The following NCKAP5 variants were observed in gnomAD, a reference collection of about 807,000 sequenced individuals.
NCKAP5 encodes NCK associated protein 5, also known as nck-associated protein 5.
Under a neutral mutation model 167.0 loss-of-function variants are expected in NCKAP5, and 92 were observed. The ratio of observed to expected loss-of-function variants is 0.55; its 90% CI spans 0.47 to 0.66. The LOEUF is 0.66. NCKAP5 is among the 30% of genes least tolerant of loss of function. NCKAP5 has a pLI of 0.00. For synonymous variants in NCKAP5, 891 were observed against 877.4 expected (o/e 1.02, Z -0.27); for missense variants, 2,378 against 2,315.0 (o/e 1.03, Z -0.56).
chr2:132,848,064 A>G (rs1472960682), intron 11 of NCKAP5, among the ~76,000 whole-genome samples: 1 of 152,184 alleles, frequency 6.6e-6, no homozygotes, highest in East Asian at 1.9e-4. Flanking sequence ...TTAATTTAAT[A>G]TATGTTATGT....
chr2:133,274,431 A>G (rs1035106776), intron 4 of NCKAP5, among the ~76,000 whole-genome samples: 6 of 152,056 alleles, frequency 3.9e-5, no homozygotes, highest in Non-Finnish European at 7.4e-5. Context: ...GGAAGACTCA[A>G]TCTTCTGGCT....
intron 6 of NCKAP5, among the ~76,000 whole-genome samples, chr2:133,106,781 A>G (rs1574048771): frequency 6.6e-6 from 1 of 152,124 alleles, no homozygotes; most frequent in Admixed American, 6.5e-5. Flanking sequence ...AATTTTATTG[A>G]CTCATAAAAT....
intron 19 of NCKAP5, among the ~76,000 whole-genome samples, chr2:132,687,755 A>ACC (rs1553471119): frequency 6.9e-4 from 98 of 142,286 alleles, no homozygotes; most frequent in African/African-American, 2.0e-3. Flanking sequence ...ACACACACAC[A>ACC]CCCTTCCTCT....
rs375892723 is a variant in NCKAP5, at chr2:132,677,610, C to G, written c.5714-4305G>C. Among the ~76,000 whole-genome samples the G allele has an allele frequency of 1.1e-4, 16 of 152,070 alleles. No homozygotes were observed. In the South Asian group the frequency reaches 3.3e-3, roughly 32 times the overall value. ...GAGGGAGGGAATTCCAATAAATATT[C>G]ATCTATTATGCCTCTATTGCAACTG... is the stretch of plus-strand genomic sequence containing the variant. On this transcript the variant is annotated intron_variant, in intron 19 of 19. Transcript: ENST00000409261.
chr2:132,822,669 G>T (rs1686835974), intron 11 of NCKAP5, among the ~76,000 whole-genome samples: 1 of 152,102 alleles, frequency 6.6e-6, no homozygotes, highest in African/African-American at 2.4e-5. Flanking sequence ...AAGCCCAAAA[G>T]ATCACACCAG....
intron 18 of NCKAP5, among the ~76,000 whole-genome samples, chr2:132,727,189 G>C (rs1200266112): frequency 6.6e-6 from 1 of 152,176 alleles, no homozygotes; most frequent in Non-Finnish European, 1.5e-5. Flanking sequence ...GAGGAGTGCA[G>C]GTCCCCTCTG....
At chr2:133,087,991 C>G (rs2081049478) in intron 6 of NCKAP5, among the ~76,000 whole-genome samples, 1 of 152,168 alleles carries the variant, frequency 6.6e-6, no homozygotes, top group South Asian at 2.1e-4. Context: ...AATGACTACT[C>G]ATAAGTTGGG....
At chr2:133,034,934 A>T (rs2078993822) in intron 6 of NCKAP5, among the ~76,000 whole-genome samples, 1 of 152,062 alleles carries the variant, frequency 6.6e-6, no homozygotes, top group African/African-American at 2.4e-5. Flanking sequence ...ACACAATGTA[A>T]ATGTACTATA....
chr2:133,353,589 C>G (rs1684509075), intron 3 of NCKAP5, among the ~76,000 whole-genome samples: 1 of 152,092 alleles, frequency 6.6e-6, no homozygotes, highest in South Asian at 2.1e-4. Flanking sequence ...GTTTTTGTAC[C>G]CAAAAAGTTG....
intron 3 of NCKAP5, among the ~76,000 whole-genome samples, chr2:133,327,752 AT>A (rs1682552007): frequency 6.6e-6 from 1 of 151,982 alleles, no homozygotes; most frequent in Non-Finnish European, 1.5e-5. Context: ...TTAGCCTTGG[AT>A]TTTTTATAAG....
At chr2:133,242,384 C>G (rs530113983) in intron 4 of NCKAP5, among the ~76,000 whole-genome samples, 2 of 151,960 alleles carry the variant, frequency 1.3e-5, no homozygotes, top group South Asian at 4.2e-4. Flanking sequence ...GTAGCTCTAG[C>G]ATGGAGGTGA....
At chr2:132,846,701 G>T (rs1384110182) in intron 11 of NCKAP5, among the ~76,000 whole-genome samples, 1 of 152,052 alleles carries the variant, frequency 6.6e-6, no homozygotes, top group Non-Finnish European at 1.5e-5. Flanking sequence ...TAGAAAAAAG[G>T]ATCCCTGGTT....
At position 133,316,015 on chromosome 2, in the gene NCKAP5, C is replaced by T. The variant is rs528829763; in HGVS notation, c.70-12905G>A. Among the ~76,000 whole-genome samples, 8 of 152,234 alleles carry T rather than the reference C, an allele frequency of 5.3e-5. No individual in the cohort carries two copies. The South Asian group carries it at 1.7e-3, about 32-fold the overall frequency. On this transcript the variant is annotated intron_variant, in intron 3 of 19. Coordinates refer to ENST00000409261, the MANE Select transcript of NCKAP5 (RefSeq NM_207363.3). ...GAAAAGGGTGCATTCCAGGTCCTATCCCAGAGATTCAGGTTCAGTAAGTCT... is the reference window on the plus strand; with the variant it reads ...GAAAAGGGTGCATTCCAGGTCCTATTCCAGAGATTCAGGTTCAGTAAGTCT...
chr2:132,792,341 T>A (rs1684140367), intron 12 of NCKAP5, among the ~76,000 whole-genome samples: 1 of 152,214 alleles, frequency 6.6e-6, no homozygotes, highest in South Asian at 2.1e-4. Flanking sequence ...ACTTGTTTAT[T>A]GCCGGACGTA....
At chr2:132,799,606 T>C (rs1684871740) in intron 11 of NCKAP5, among the ~76,000 whole-genome samples, 1 of 152,210 alleles carries the variant, frequency 6.6e-6, no homozygotes, top group Admixed American at 6.5e-5. Flanking sequence ...TTTATTGTTA[T>C]ACCTGACAGT....
intron 6 of NCKAP5, among the ~76,000 whole-genome samples, chr2:133,042,719 G>C (rs898738664): frequency 6.6e-6 from 1 of 152,114 alleles, no homozygotes. Context: ...TTAAGAATTA[G>C]ATGACCTTAC....
At chr2:133,220,434 C>T (rs2086612839) in intron 4 of NCKAP5, among the ~76,000 whole-genome samples, 1 of 152,210 alleles carries the variant, frequency 6.6e-6, no homozygotes, top group Non-Finnish European at 1.5e-5. Context: ...AACAGAGCTA[C>T]TCTTCTTACT....
chr2:133,649,574 T>C, the NCKAP5 span, among the ~76,000 whole-genome samples: 1 of 152,074 alleles, frequency 6.6e-6, no homozygotes, highest in South Asian at 2.1e-4. Context: ...AAAAGGATGG[T>C]TGGTTCCACA....
chr2:132,737,708 AG>A (rs1211200088), intron 16 of NCKAP5, among the ~76,000 whole-genome samples: 5 of 152,154 alleles, frequency 3.3e-5, no homozygotes, highest in Non-Finnish European at 7.3e-5. Flanking sequence ...GGGTGCTTTG[AG>A]GACTAGAAAC....
Sources: gnomAD v4.1 joint callset for allele counts (sites outside exome capture counted in the v4.1 genomes callset) on GRCh38, gnomAD v4.1.1 for gene constraint, MANE v1.5 for transcripts, NCBI Gene and HGNC (gene_info 2026-07-23, HGNC 2026-07-21) for gene names.